TSPAN9: variants seen among roughly 807,000 people sequenced by gnomAD.
The protein encoded by TSPAN9 is tetraspanin-9.
TSPAN9 carries 16 observed loss-of-function variants against 31.0 expected under a neutral mutation model. That is an observed-to-expected ratio of 0.52 (90% CI 0.35 to 0.78). TSPAN9 has a LOEUF of 0.78. TSPAN9 is among the 30% of genes least tolerant of loss of function. The probability of loss-of-function intolerance (pLI) is 0.01; values close to 1 mark genes in which losing one functional copy is unlikely to be tolerated. For synonymous variants in TSPAN9, 145 were observed against 121.6 expected, an observed-to-expected ratio of 1.19 and a Z score of -1.27; for missense variants, 272 against 312.5, an observed-to-expected ratio of 0.87 and a Z score of 0.98.
intron 3 of TSPAN9, among the ~76,000 whole-genome samples, chr12:3,258,593 A>AGT (rs1862392777): frequency 6.8e-6 from 1 of 146,806 alleles, no homozygotes; most frequent in African/African-American, 2.7e-5. Context: ...AATCTTGTGG[A>AGT]CACCATTTCT....
intron 2 of TSPAN9, among the ~76,000 whole-genome samples, chr12:3,149,524 C>T (rs1030732630): frequency 6.6e-6 from 1 of 152,174 alleles, no homozygotes. Flanking sequence ...AGTTTGCCAG[C>T]CTGAAGAATG....
chr12:3,090,942 T>C (rs775303466), intron 2 of TSPAN9, among the ~76,000 whole-genome samples: 7 of 152,124 alleles, frequency 4.6e-5, no homozygotes, highest in Non-Finnish European at 8.8e-5. Context: ...TGAAGTGGAG[T>C]CAGTGTGTTG....
intron 2 of TSPAN9, among the ~76,000 whole-genome samples, chr12:3,184,098 A>C (rs902347645): frequency 6.6e-6 from 1 of 152,154 alleles, no homozygotes; most frequent in African/African-American, 2.4e-5. Context: ...ATCTTCCTTC[A>C]ATAAGAAAAT....
chr12:3,181,214 G>A (rs182828704), intron 2 of TSPAN9, among the ~76,000 whole-genome samples: 183 of 152,090 alleles, frequency 1.2e-3, no homozygotes, highest in Middle Eastern at 3.4e-3. Flanking sequence ...AATCATGATG[G>A]GGATGATAAT....
rs569546513 is a variant in TSPAN9 at position 3,156,527 on chromosome 12, A to T, written c.-17-44650A>T. On this transcript the variant is annotated intron_variant, in intron 2 of 8. Coordinates refer to ENST00000011898, the MANE Select transcript of TSPAN9 (RefSeq NM_006675.5). ...TTGTTTTTGTTTTTTTTTTAGATGG[A>T]GTCTCACTCTGTCACCCAGGCTGGA... 4.8e-4 allele frequency among the ~76,000 whole-genome samples: 72 copies of T among 149,780 alleles called. 1 individual carries two copies. Among genetic ancestry groups the T allele is most frequent in the African/African-American group, 1.8e-3 (72 of 40,734 alleles).
intron 2 of TSPAN9, among the ~76,000 whole-genome samples, chr12:3,096,063 G>A (rs2098308609): frequency 1.3e-5 from 2 of 151,826 alleles, no homozygotes; most frequent in African/African-American, 4.9e-5. Flanking sequence ...TCCCGGCGCG[G>A]CGGCAAAGAC....
intron 3 of TSPAN9, among the ~76,000 whole-genome samples, chr12:3,266,720 G>A (rs73256325): frequency 0.014 from 2,134 of 152,266 alleles, 55 homozygotes; most frequent in African/African-American, 0.049. Context: ...AGAGACCTGC[G>A]CTGAGCCATC....
At chr12:3,127,798 A>AT (rs1299704237) in intron 2 of TSPAN9, among the ~76,000 whole-genome samples, 3 of 152,170 alleles carry the variant, frequency 2.0e-5, no homozygotes, top group Non-Finnish European at 4.4e-5. Flanking sequence ...TGGTAGACAT[A>AT]TTTTTAAAAA....
chr12:3,169,816 T>C (rs2153970157), intron 2 of TSPAN9, among the ~76,000 whole-genome samples: 1 of 152,196 alleles, frequency 6.6e-6, no homozygotes, highest in South Asian at 2.1e-4. Flanking sequence ...GTATCAGGTG[T>C]CAGGGTGGGC....
intron 2 of TSPAN9, among the ~76,000 whole-genome samples, chr12:3,159,459 C>T (rs1380386739): frequency 6.6e-6 from 1 of 152,200 alleles, no homozygotes; most frequent in African/African-American, 2.4e-5. Flanking sequence ...ATCCTAACCC[C>T]ATACCTCAGA....
chr12:3,144,744 C>G (rs1254534866), intron 2 of TSPAN9, among the ~76,000 whole-genome samples: 10 of 152,366 alleles, frequency 6.6e-5, no homozygotes, highest in African/African-American at 2.4e-4. Context: ...ATCATCCTCT[C>G]TCACATCTGG....
intron 2 of TSPAN9, among the ~76,000 whole-genome samples, chr12:3,163,129 A>T (rs533949008): frequency 6.6e-6 from 1 of 152,356 alleles, no homozygotes; most frequent in Admixed American, 6.5e-5. Flanking sequence ...AGTCCCCAGC[A>T]TCTAGACACT....
chr12:3,142,649 C>T (rs1178520301), intron 2 of TSPAN9, among the ~76,000 whole-genome samples: 2 of 152,150 alleles, frequency 1.3e-5, no homozygotes, highest in Non-Finnish European at 2.9e-5. Context: ...CCCCCTGCGC[C>T]ATGCTCTTAC....
intron 2 of TSPAN9, among the ~76,000 whole-genome samples, chr12:3,101,251 G>C (rs2098311726): frequency 6.6e-6 from 1 of 152,170 alleles, no homozygotes; most frequent in African/African-American, 2.4e-5. Flanking sequence ...CTTGGTGAAG[G>C]ATTCTAGGCC....
intron 2 of TSPAN9, among the ~76,000 whole-genome samples, chr12:3,111,871 C>T (rs1202553561): frequency 6.6e-6 from 1 of 152,140 alleles, no homozygotes; most frequent in Admixed American, 6.5e-5. Context: ...CTTGGCCTCC[C>T]AAGGTGCTGG....
At chr12:3,209,956 C>G (rs1223634683) in intron 3 of TSPAN9, among the ~76,000 whole-genome samples, 1 of 83,460 alleles carries the variant, frequency 1.2e-5, no homozygotes, top group East Asian at 3.0e-4. Context: ...GAGACTCTGT[C>G]CCAAAAAAAA....
chr12:3,174,799 G>C (rs28522275), intron 2 of TSPAN9, among the ~76,000 whole-genome samples: 1 of 149,432 alleles, frequency 6.7e-6, no homozygotes, highest in Non-Finnish European at 1.5e-5. Context: ...AGCCAGGATG[G>C]TCTCGATCTC....
chr12:3,237,601 C>T (rs1376275798), intron 3 of TSPAN9, among the ~76,000 whole-genome samples: 5 of 152,182 alleles, frequency 3.3e-5, no homozygotes, highest in Admixed American at 1.3e-4. Flanking sequence ...TCTTAGCCCA[C>T]TCTTCTTTCT....
chr12:3,115,820 T>C (rs10774120), intron 2 of TSPAN9, among the ~76,000 whole-genome samples: 48,402 of 151,916 alleles, frequency 0.32, 7,879 homozygotes, highest in Middle Eastern at 0.45. Flanking sequence ...TCTGTAGCAC[T>C]GGGTCATACG....
Sources: gnomAD v4.1 joint callset for allele counts (sites outside exome capture counted in the v4.1 genomes callset) on GRCh38, gnomAD v4.1.1 for gene constraint, MANE v1.5 for transcripts, NCBI Gene and HGNC (gene_info 2026-07-23, HGNC 2026-07-21) for gene names.